PPFIA2: variants seen among roughly 807,000 people sequenced by gnomAD.
PPFIA2 encodes PPFI scaffold protein A2.
In PPFIA2, 46 loss-of-function variants were observed where a neutral mutation model predicts 175.5. The observed-to-expected ratio is 0.26, with a 90% confidence interval of 0.21 to 0.34. The LOEUF (loss-of-function observed/expected upper bound fraction) is 0.34, where lower values mean the gene tolerates loss of function less well. Among genes scored for constraint, PPFIA2 ranks in the 10% least tolerant of loss-of-function variants. PPFIA2 has a pLI of 1.00. For synonymous variants in PPFIA2, 568 were observed against 511.4 expected, an observed-to-expected ratio of 1.11 and a Z score of -1.49; for missense variants, 1,179 against 1,506.1, an observed-to-expected ratio of 0.78 and a Z score of 3.60.
rs146766479 is a variant in PPFIA2, at chr12:81,368,138, A to C, written c.1482+587T>G. The C allele has an allele frequency of 1.1e-4, 145 of 1,288,044 alleles. No individual in the cohort carries two copies. In the African/African-American group the frequency reaches 1.8e-3, roughly 16 times the overall value. The allele number at this position is 1,288,044 out of a possible 1,614,324, so 79.8% of individuals were successfully genotyped here. On this transcript the variant is annotated intron_variant, in intron 13 of 32. Transcript: ENST00000549396. ...GCTCTGGAATTGGTAACCAGCTCTCATAACTCTTGCTGGTCTGGTAGCTGC... is the reference window on the plus strand; with the variant it reads ...GCTCTGGAATTGGTAACCAGCTCTCCTAACTCTTGCTGGTCTGGTAGCTGC...
chr12:81,282,911 T>C, intron 26 of PPFIA2, 99 bp downstream of exon 26: 1 of 1,040,074 alleles, frequency 9.6e-7, no homozygotes, highest in Non-Finnish European at 1.5e-6. Context: ...TTGAGCTAAG[T>C]GAAGGTTTAC....
chr12:81,642,131 TAAATG>T (rs2065041975), intron 4 of PPFIA2, among the ~76,000 whole-genome samples: 1 of 152,094 alleles, frequency 6.6e-6, no homozygotes, highest in Non-Finnish European at 1.5e-5. Context: ...AGGTGATAGA[TAAATG>T]TATTGATATT....
chr12:81,579,104 C>T (rs968932319), intron 4 of PPFIA2, among the ~76,000 whole-genome samples: 16 of 151,688 alleles, frequency 1.1e-4, no homozygotes, highest in Non-Finnish European at 1.5e-5. Context: ...TAAGCAAGTG[C>T]TTTCTTTACG....
intron 4 of PPFIA2, among the ~76,000 whole-genome samples, chr12:81,665,666 A>T (rs146450325): frequency 6.6e-6 from 1 of 152,174 alleles, no homozygotes; most frequent in Non-Finnish European, 1.5e-5. Flanking sequence ...CATTAAATAG[A>T]ACCATCTTGT....
At chr12:81,476,540 C>A (rs2057497427) in intron 4 of PPFIA2, among the ~76,000 whole-genome samples, 1 of 152,108 alleles carries the variant, frequency 6.6e-6, no homozygotes, top group African/African-American at 2.4e-5. Context: ...ATATTTATAT[C>A]ACATAAATAT....
chr12:81,334,834 T>C (rs532089505), intron 21 of PPFIA2, among the ~76,000 whole-genome samples: 9 of 152,368 alleles, frequency 5.9e-5, no homozygotes, highest in Middle Eastern at 3.4e-3. Flanking sequence ...TTTGTCATAT[T>C]CTCACTTTCC....
chr12:81,262,090 G>T, intron 31 of PPFIA2, 50 bp from the exon 32 acceptor site: 1 of 1,210,674 alleles, frequency 8.3e-7, no homozygotes, highest in South Asian at 1.3e-5. Context: ...TTGAGTACAA[G>T]ATTTCAGATG....
chr12:81,730,145 A>G (rs2080673152), intron 3 of PPFIA2, among the ~76,000 whole-genome samples: 1 of 151,606 alleles, frequency 6.6e-6, no homozygotes, highest in African/African-American at 2.4e-5. Flanking sequence ...AACTAATACC[A>G]TATGTTCCTT....
chr12:81,497,777 G>T (rs565966117), intron 4 of PPFIA2, among the ~76,000 whole-genome samples: 2 of 152,078 alleles, frequency 1.3e-5, no homozygotes, highest in Non-Finnish European at 2.9e-5. Flanking sequence ...GACCTCAGGT[G>T]ATCTGCCTGC....
intron 8 of PPFIA2, among the ~76,000 whole-genome samples, chr12:81,386,610 A>C (rs76395409): frequency 6.6e-6 from 1 of 151,382 alleles, no homozygotes; most frequent in African/African-American, 2.4e-5. Context: ...TGAAAGAGTG[A>C]GGCTCTGACC....
chr12:81,508,692 C>A (rs1320536899), intron 4 of PPFIA2, among the ~76,000 whole-genome samples: 2 of 150,682 alleles, frequency 1.3e-5, no homozygotes, highest in South Asian at 2.1e-4. Flanking sequence ...TATACATGTG[C>A]CTTGCTGGTG....
At chr12:81,672,613 GA>G (rs945031471) in intron 4 of PPFIA2, among the ~76,000 whole-genome samples, 1 of 151,794 alleles carries the variant, frequency 6.6e-6, no homozygotes, top group Non-Finnish European at 1.5e-5. Flanking sequence ...TAGCATTTAG[GA>G]AAAAAACTAA....
At chr12:81,634,729 C>G (rs1048966649) in intron 4 of PPFIA2, among the ~76,000 whole-genome samples, 1 of 151,972 alleles carries the variant, frequency 6.6e-6, no homozygotes, top group African/African-American at 2.4e-5. Context: ...TTTGCTTCAA[C>G]CATTAAACAT....
chr12:81,630,426 G>A (rs1280212338), intron 4 of PPFIA2, among the ~76,000 whole-genome samples: 1 of 152,112 alleles, frequency 6.6e-6, no homozygotes, highest in African/African-American at 2.4e-5. Context: ...CAGTATTTTT[G>A]TAGCTTCTAT....
At chr12:81,724,826 T>C (rs1264314408) in intron 3 of PPFIA2, among the ~76,000 whole-genome samples, 2 of 151,052 alleles carry the variant, frequency 1.3e-5, no homozygotes, top group Non-Finnish European at 3.0e-5. Flanking sequence ...ATGATTTCTG[T>C]TCCTTTGGGT....
At position 81,554,301 on chromosome 12, in the gene PPFIA2, T is replaced by G. The variant is rs554074613; in HGVS notation, c.304-96435A>C. Among the ~76,000 whole-genome samples the G allele has an allele frequency of 3.3e-5, 5 of 152,122 alleles. No homozygotes were observed. In the East Asian group the frequency reaches 7.8e-4, roughly 24 times the overall value. On this transcript the variant is annotated intron_variant, in intron 4 of 32. Transcript: ENST00000549396. ...AGTAAAAAGTGATGGCAACTCAAAT[T>G]TTCCTAAGCCAAAGTGGGATATGTT...
chr12:81,669,487 T>C (rs972311435), intron 4 of PPFIA2, among the ~76,000 whole-genome samples: 5 of 152,006 alleles, frequency 3.3e-5, no homozygotes, highest in Non-Finnish European at 7.4e-5. Context: ...AGACAAGGCT[T>C]GTAACTATGT....
chr12:81,500,414 G>A (rs1249784305), intron 4 of PPFIA2, among the ~76,000 whole-genome samples: 3 of 152,162 alleles, frequency 2.0e-5, no homozygotes, highest in Non-Finnish European at 2.9e-5. Context: ...TTCCATGAGT[G>A]TTTATGGATT....
At chr12:81,626,915 T>A (rs1263937831) in intron 4 of PPFIA2, among the ~76,000 whole-genome samples, 1 of 152,048 alleles carries the variant, frequency 6.6e-6, no homozygotes. Context: ...AATACACAAA[T>A]TAGTAATTGA....
Sources: allele counts gnomAD v4.1 joint callset (sites outside exome capture counted in the v4.1 genomes callset), GRCh38; gene constraint gnomAD v4.1.1; transcripts MANE v1.5; gene names NCBI Gene and HGNC (gene_info 2026-07-23, HGNC 2026-07-21).